ASMTL: variants seen among roughly 807,000 people sequenced by gnomAD.
ASMTL encodes the protein probable bifunctional dTTP/UTP pyrophosphatase/methyltransferase protein.
ASMTL carries 57 observed loss-of-function variants against 60.3 expected under a neutral mutation model. That is an observed-to-expected ratio of 0.95 (90% CI 0.76 to 1.18). The LOEUF is 1.18. ASMTL is among the 50% of genes most tolerant of loss of function. The pLI is 0.00. For missense variants in ASMTL, 981 were observed against 852.6 expected, an observed-to-expected ratio of 1.15 and a Z score of -1.88; for synonymous variants, 419 against 373.0, an observed-to-expected ratio of 1.12 and a Z score of -1.42.
chrX:1,404,594 T>C (rs1371405994), intron 12 of ASMTL, among the ~76,000 whole-genome samples: 1 of 150,760 alleles, frequency 6.6e-6, no homozygotes, highest in African/African-American at 2.5e-5. Flanking sequence ...GGTGTATAGA[T>C]GATAGATGAT....
At chrX:1,437,073 A>G (rs2090985738) in intron 3 of ASMTL, among the ~76,000 whole-genome samples, 1 of 146,996 alleles carries the variant, frequency 6.8e-6, no homozygotes, top group Admixed American at 7.0e-5. Flanking sequence ...TCCTCTTCTT[A>G]TGAGATGCTT....
intron 11 of ASMTL, among the ~76,000 whole-genome samples, chrX:1,415,959 A>G (rs2090230779): frequency 6.6e-6 from 1 of 152,054 alleles, no homozygotes; most frequent in Admixed American, 6.6e-5. Flanking sequence ...CATGCAGGAC[A>G]CAGATACACT....
intron 9 of ASMTL, 188 bp from the exon 10 acceptor site, chrX:1,419,302 C>T (rs1370404206): frequency 9.6e-6 from 2 of 209,374 alleles, no homozygotes; most frequent in Admixed American, 6.5e-5. Context: ...GCTGGGCTGG[C>T]TGGGGACAGA....
chrX:1,433,070 C>G (rs2149326430), intron 5 of ASMTL, among the ~76,000 whole-genome samples: 1 of 152,124 alleles, frequency 6.6e-6, no homozygotes, highest in Admixed American at 6.5e-5. Context: ...TGTACTGCAG[C>G]CTGGGCGACA....
intron 1 of ASMTL, among the ~76,000 whole-genome samples, chrX:1,446,956 C>T (rs1245561776): frequency 6.6e-6 from 1 of 152,192 alleles, no homozygotes; most frequent in Non-Finnish European, 1.5e-5. Flanking sequence ...TTTCTGGCTA[C>T]ATGTCTCCAA....
intron 12 of ASMTL, among the ~76,000 whole-genome samples, chrX:1,411,988 T>G (rs5949001): frequency 0.43 from 65,475 of 151,334 alleles, 14,304 homozygotes; most frequent in Middle Eastern, 0.46. Context: ...ATTTTTTGTG[T>G]TTGTTTTTAA....
Position 1,432,193 on chromosome X carries a change from G to T in ASMTL, c.509+76C>A, listed in dbSNP as rs1204983385. The T allele has an allele frequency of 2.4e-6, 3 of 1,241,916 alleles. No individual in the cohort carries two copies. In the African/African-American group the frequency reaches 4.5e-5, roughly 18 times the overall value. 76.9% of individuals were successfully genotyped at this position (1,241,916 alleles called of 1,614,324 possible). On this transcript the variant is annotated intron_variant, in intron 6 of 12. Coordinates refer to ENST00000381317, the MANE Select transcript of ASMTL (RefSeq NM_004192.4). ...GGGCCTCCTTCTTTCCCAAAGGCTGGGTGGGACACCCCACGTGTGAGGGTG... is the reference window on the plus strand; with the variant it reads ...GGGCCTCCTTCTTTCCCAAAGGCTGTGTGGGACACCCCACGTGTGAGGGTG...
chrX:1,438,195 A>T (rs1334711690), intron 3 of ASMTL, among the ~76,000 whole-genome samples: 3 of 151,946 alleles, frequency 2.0e-5, no homozygotes, highest in African/African-American at 7.2e-5. Context: ...AGGCAGGAGA[A>T]TCGCTTGAAC....
Position 1,425,660 on chromosome X carries a change from C to T in ASMTL, c.925G>A (p.Val309Met). 1 of 1,613,676 alleles carries T rather than the reference C, an allele frequency of 6.2e-7. No individual in the cohort carries two copies. The highest frequency in any genetic ancestry group is 1.7e-5 in the Admixed American group (1 of 59,998). The change falls in exon 8 of 13, where the codon GTG becomes ATG. Residue 309 changes from valine (V) to methionine (M), a missense_variant. Val to Met is a conservative substitution (Grantham distance 21). Transcript: ENST00000381317. ...KGLLTACKLK[V>M]FDLLKDEAPQ... ...GCTTCATCTTTTAACAAATCGAACA[C>T]CTTCAGTTTGCAAGCGGTGAGCAGG...
chrX:1,441,345 C>T (rs1454515738), intron 2 of ASMTL, among the ~76,000 whole-genome samples: 4 of 152,092 alleles, frequency 2.6e-5, no homozygotes, highest in African/African-American at 4.8e-5. Flanking sequence ...GGGATGATCT[C>T]GGCTCACTGC....
At chrX:1,453,078 C>T (rs2091436306), upstream of ASMTL, 2 of 523,498 alleles carry the variant, frequency 3.8e-6, no homozygotes, top group East Asian at 3.4e-5. Flanking sequence ...CCTCCATTGC[C>T]CTCTCCACCA....
Position 1,407,913 on chromosome X carries a change from G to A in ASMTL, c.1646-4424C>T, listed in dbSNP as rs1399816318. Among the ~76,000 whole-genome samples the A allele has an allele frequency of 1.4e-4, 21 of 151,908 alleles. No homozygotes were observed. The East Asian group carries it at 3.9e-3, about 28-fold the overall frequency. ...GAGGAAGAGGGAGAAGAGAGAGAAA[G>A]AGAGACAGAGGCCGGGTGCAGTGGC... On this transcript the variant is annotated intron_variant, in intron 12 of 12. Coordinates refer to ENST00000381317, the MANE Select transcript of ASMTL (RefSeq NM_004192.4).
At chrX:1,417,546 GAC>G (rs59114659) in intron 11 of ASMTL, among the ~76,000 whole-genome samples, 2 of 137,188 alleles carry the variant, frequency 1.5e-5, no homozygotes, top group South Asian at 2.7e-4. Context: ...CATGCACACA[GAC>G]ACACAAGCAC....
intron 9 of ASMTL, 34 bp from the exon 10 acceptor site, chrX:1,419,148 AACACGG>A: frequency 6.2e-7 from 1 of 1,607,194 alleles, no homozygotes; most frequent in Non-Finnish European, 8.5e-7. Context: ...GGCACCAGAG[AACACGG>A]GGCGAGGGCT....
Position 1,428,054 on chromosome X carries a change from A to G in ASMTL, c.577T>C (p.Phe193Leu). Reference protein sequence around the residue: ...GMLVESVHGDFLNVVGFPLNH... With the variant: ...GMLVESVHGDLLNVVGFPLNH... ...AGCGGGAATCCCACCACGTTCAGAA[A>G]GTCCCCGTGTACGGACTCCACCAGC... Residue 193 changes from phenylalanine (F) to leucine (L), a missense_variant, in exon 7 of 13, where the codon TTT (phenylalanine) becomes CTT (leucine). Phe to Leu is a conservative substitution (Grantham distance 22, BLOSUM62 0). Coordinates refer to ENST00000381317, the MANE Select transcript of ASMTL (RefSeq NM_004192.4). 6.2e-7 allele frequency: 1 copy of G among 1,613,724 alleles called. No homozygotes were observed. The highest frequency in any genetic ancestry group is 2.2e-5 in the East Asian group (1 of 44,884).
intron 6 of ASMTL, chrX:1,431,842 G>A (rs2090798224): frequency 5.6e-6 from 1 of 179,040 alleles, no homozygotes; most frequent in Non-Finnish European, 1.2e-5. Context: ...ATTGGTGCAC[G>A]CATACTTCCC....
At chrX:1,410,885 G>A (rs759902277) in intron 12 of ASMTL, among the ~76,000 whole-genome samples, 7 of 150,162 alleles carry the variant, frequency 4.7e-5, no homozygotes, top group South Asian at 2.2e-4. Context: ...GTGAGACCTC[G>A]TCTCAAAAAA....
intron 5 of ASMTL, among the ~76,000 whole-genome samples, chrX:1,433,539 G>A (rs28615309): frequency 0.014 from 2,108 of 149,836 alleles, 46 homozygotes; most frequent in African/African-American, 0.049. Flanking sequence ...AAAATTAGCC[G>A]GGCGTGGTGG....
At chrX:1,452,258 G>T (rs1365727857) in intron 1 of ASMTL, among the ~76,000 whole-genome samples, 1 of 144,926 alleles carries the variant, frequency 6.9e-6, no homozygotes, top group Non-Finnish European at 1.5e-5. Flanking sequence ...TAGGGGTCCC[G>T]GGTTACTCCC....
Sources: gnomAD v4.1 joint callset for allele counts (sites outside exome capture counted in the v4.1 genomes callset) on GRCh38, gnomAD v4.1.1 for gene constraint, MANE v1.5 for transcripts, NCBI Gene and HGNC (gene_info 2026-07-23, HGNC 2026-07-21) for gene names.